SH3RF1: variants seen among roughly 807,000 people sequenced by gnomAD.
SH3RF1 encodes the protein E3 ubiquitin-protein ligase SH3RF1.
SH3RF1 carries 32 observed loss-of-function variants against 74.0 expected under a neutral mutation model. That is an observed-to-expected ratio of 0.43 (90% confidence interval 0.33 to 0.58). The LOEUF (loss-of-function observed/expected upper bound fraction) is 0.58, where lower values mean the gene tolerates loss of function less well. Ranked by LOEUF, SH3RF1 falls within the 20% of genes least tolerant of loss-of-function variation. The probability of loss-of-function intolerance (pLI) is 0.05; values close to 1 mark genes in which losing one functional copy is unlikely to be tolerated. For missense variants in SH3RF1, 954 were observed against 1,130.9 expected, an observed-to-expected ratio of 0.84 and a Z score of 2.24; for synonymous variants, 396 against 439.6, an observed-to-expected ratio of 0.90 and a Z score of 1.24.
At chr4:169,171,550 A>C (rs1166460602) in intron 2 of SH3RF1, among the ~76,000 whole-genome samples, 3 of 152,228 alleles carry the variant, frequency 2.0e-5, no homozygotes, top group Non-Finnish European at 4.4e-5. Flanking sequence ...ATATAGGAGA[A>C]AAGTAGACAG....
intron 2 of SH3RF1, among the ~76,000 whole-genome samples, chr4:169,263,187 G>A (rs764182106): frequency 7.9e-5 from 12 of 152,278 alleles, no homozygotes; most frequent in Non-Finnish European, 1.6e-4. Context: ...TTACACGCCA[G>A]GGGAGCATGT....
chr4:169,264,710 G>A (rs1458462965), intron 2 of SH3RF1, among the ~76,000 whole-genome samples: 1 of 152,108 alleles, frequency 6.6e-6, no homozygotes, highest in Non-Finnish European at 1.5e-5. Flanking sequence ...TATCCCAAAT[G>A]CAGAGCACTT....
chr4:169,175,258 ACCC>A (rs1734400383), intron 2 of SH3RF1, among the ~76,000 whole-genome samples: 1 of 152,020 alleles, frequency 6.6e-6, no homozygotes, highest in Non-Finnish European at 1.5e-5. Context: ...CACTATTAAC[ACCC>A]TAGCACCTAT....
chr4:169,240,888 T>A (rs550461026), intron 2 of SH3RF1, among the ~76,000 whole-genome samples: 27 of 152,206 alleles, frequency 1.8e-4, no homozygotes, highest in African/African-American at 6.3e-4. Flanking sequence ...CACCCAAGCA[T>A]CCCCCTCATT....
At chr4:169,117,837 A>G in intron 8 of SH3RF1, 55 bp from the exon 9 acceptor site, 1 of 1,563,282 alleles carries the variant, frequency 6.4e-7, no homozygotes, top group East Asian at 2.3e-5. Flanking sequence ...AATGACAGAA[A>G]GAACAATTAA....
At chr4:169,108,395 G>C (rs1432573009) in intron 10 of SH3RF1, among the ~76,000 whole-genome samples, 4 of 152,168 alleles carry the variant, frequency 2.6e-5, no homozygotes, top group Non-Finnish European at 4.4e-5. Context: ...TGTTCCATTA[G>C]AGACAGTATG....
intron 2 of SH3RF1, among the ~76,000 whole-genome samples, chr4:169,265,061 A>G (rs116389182): frequency 0.01 from 1,548 of 152,250 alleles, 34 homozygotes; most frequent in African/African-American, 0.035. Context: ...TCTTTCTTCT[A>G]TCCTCTCCCC....
In SH3RF1 at chr4:169,197,649, A is replaced by G. The variant is rs573904973; in HGVS notation, c.394-40970T>C. Among the ~76,000 whole-genome samples, 8 of 139,906 alleles carry G rather than the reference A, an allele frequency of 5.7e-5. No individual in the cohort carries two copies. The East Asian group carries it at 1.6e-3, about 27-fold the overall frequency. 91.8% of individuals were successfully genotyped at this position (139,906 alleles called of 152,430 possible). Reference sequence around the variant, plus strand: ...CAAAAAAAAAAAAAAAGCCCACCTTAGAATAATTGTGTTTGTTGTTATATG... The same window carrying G: ...CAAAAAAAAAAAAAAAGCCCACCTTGGAATAATTGTGTTTGTTGTTATATG... On this transcript the variant is annotated intron_variant, in intron 2 of 11. Coordinates refer to ENST00000284637, the MANE Select transcript of SH3RF1 (RefSeq NM_020870.4).
chr4:169,251,944 C>T (rs1325348480), intron 2 of SH3RF1, among the ~76,000 whole-genome samples: 1 of 152,194 alleles, frequency 6.6e-6, no homozygotes, highest in Non-Finnish European at 1.5e-5. Flanking sequence ...ATATTTTATT[C>T]AGATCACCTT....
At chr4:169,106,459 G>A (rs889442073) in intron 11 of SH3RF1, among the ~76,000 whole-genome samples, 2 of 149,660 alleles carry the variant, frequency 1.3e-5, no homozygotes, top group Non-Finnish European at 3.0e-5. Flanking sequence ...AGCAGGAAAC[G>A]ATGTAAATTT....
At chr4:169,183,638 C>T (rs1395270171) in intron 2 of SH3RF1, among the ~76,000 whole-genome samples, 1 of 151,580 alleles carries the variant, frequency 6.6e-6, no homozygotes, top group Admixed American at 6.6e-5. Context: ...GTCTCAGCTA[C>T]TTGAGGGACT....
chr4:169,251,026 G>A (rs1025370277), intron 2 of SH3RF1, among the ~76,000 whole-genome samples: 1 of 152,174 alleles, frequency 6.6e-6, no homozygotes, highest in Non-Finnish European at 1.5e-5. Flanking sequence ...CTTAAGCTGA[G>A]GAGATAAGGT....
intron 4 of SH3RF1, among the ~76,000 whole-genome samples, chr4:169,136,842 A>G (rs996564291): frequency 1.3e-5 from 2 of 152,248 alleles, no homozygotes; most frequent in African/African-American, 2.4e-5. Context: ...AAACAATTCC[A>G]TTGCAAGACT....
chr4:169,191,269 C>A (rs1734702376), intron 2 of SH3RF1, among the ~76,000 whole-genome samples: 1 of 127,922 alleles, frequency 7.8e-6, no homozygotes, highest in African/African-American at 2.8e-5. Context: ...ATAATCAAAT[C>A]AAGAACTCAA....
intron 2 of SH3RF1, among the ~76,000 whole-genome samples, chr4:169,181,714 A>G (rs1734514893): frequency 6.6e-6 from 1 of 152,166 alleles, no homozygotes; most frequent in Non-Finnish European, 1.5e-5. Flanking sequence ...ATTCATGTCA[A>G]TTTAATTCCT....
chr4:169,248,208 A>G (rs1370957511), intron 2 of SH3RF1, among the ~76,000 whole-genome samples: 1 of 152,204 alleles, frequency 6.6e-6, no homozygotes, highest in Non-Finnish European at 1.5e-5. Context: ...CTGCAGCACT[A>G]TCTACAATAG....
chr4:169,122,056 T>C (rs1265899521), intron 7 of SH3RF1, 44 bp downstream of exon 7: 1 of 1,598,368 alleles, frequency 6.3e-7, no homozygotes, highest in Non-Finnish European at 8.6e-7. Flanking sequence ...TTGGACTTCG[T>C]TTAAATGAAC....
At position 169,146,052 on chromosome 4, in the gene SH3RF1, ATAT is replaced by A. The variant is rs70961574; in HGVS notation, c.765+9425_765+9427del. Among the ~76,000 whole-genome samples the A allele has an allele frequency of 1.5e-3, 156 of 106,886 alleles. 20 individuals carry two copies. The highest frequency in any genetic ancestry group is 0.013 in the East Asian group (57 of 4,250). 70.1% of individuals were successfully genotyped at this position (106,886 alleles called of 152,430 possible). On this transcript the variant is annotated intron_variant, in intron 4 of 11. Transcript: ENST00000284637. ...ACATATTCTATATATTCTATATAAA[ATAT>A]TATATATTCTATATAAAATATTATA...
intron 9 of SH3RF1, among the ~76,000 whole-genome samples, 173 bp downstream of exon 9, chr4:169,117,350 G>A (rs567527681): frequency 2.6e-5 from 4 of 152,166 alleles, no homozygotes; most frequent in Non-Finnish European, 5.9e-5. Flanking sequence ...GAAGTAATAC[G>A]CAGGGCACGC....
Sources: allele counts gnomAD v4.1 joint callset (sites outside exome capture counted in the v4.1 genomes callset), GRCh38; gene constraint gnomAD v4.1.1; transcripts MANE v1.5; gene names NCBI Gene and HGNC (gene_info 2026-07-23, HGNC 2026-07-21).